KIF16B: variants seen among roughly 807,000 people sequenced by gnomAD.
The protein encoded by KIF16B is kinesin family member 16B.
In KIF16B, 98 loss-of-function variants were observed where a neutral mutation model predicts 156.3. The observed-to-expected ratio is 0.63, with a 90% CI of 0.53 to 0.74. The LOEUF is 0.74. KIF16B is among the 30% of genes least tolerant of loss of function. The probability of loss-of-function intolerance (pLI) is 0.00; values close to 1 mark genes in which losing one functional copy is unlikely to be tolerated. For synonymous variants in KIF16B, 564 were observed against 583.7 expected, an observed-to-expected ratio of 0.97 and a Z score of 0.49; for missense variants, 1,421 against 1,606.5, an observed-to-expected ratio of 0.88 and a Z score of 1.97.
At chr20:16,540,214 T>A (rs557159697) in intron 1 of KIF16B, among the ~76,000 whole-genome samples, 51 of 152,256 alleles carry the variant, frequency 3.3e-4, no homozygotes, top group Admixed American at 1.9e-3. Flanking sequence ...CAAAATAATA[T>A]GCGCGTCTAT....
chr20:16,522,057 C>A (rs571274165), intron 3 of KIF16B, among the ~76,000 whole-genome samples: 12 of 152,356 alleles, frequency 7.9e-5, no homozygotes, highest in Non-Finnish European at 1.3e-4. Flanking sequence ...GTACCAGCCA[C>A]TGCAAAAACA....
At chr20:16,382,098 C>A in intron 17 of KIF16B, 1 of 1,353,968 alleles carries the variant, frequency 7.4e-7, no homozygotes, top group East Asian at 4.5e-5. Context: ...GAATCTCTAC[C>A]TTAGACAGAT....
intron 1 of KIF16B, among the ~76,000 whole-genome samples, chr20:16,556,408 C>T (rs368593189): frequency 5.9e-5 from 9 of 152,180 alleles, no homozygotes; most frequent in South Asian, 2.1e-4. Context: ...ATGCAAAACA[C>T]GATGCTTTGC....
At chr20:16,494,590 C>G (rs868529417) in intron 11 of KIF16B, among the ~76,000 whole-genome samples, 1 of 152,212 alleles carries the variant, frequency 6.6e-6, no homozygotes, top group Non-Finnish European at 1.5e-5. Flanking sequence ...TAGAATTTCA[C>G]AACTGCCTTT....
intron 13 of KIF16B, among the ~76,000 whole-genome samples, chr20:16,429,447 A>G (rs1485313636): frequency 1.3e-5 from 2 of 152,108 alleles, no homozygotes; most frequent in African/African-American, 4.8e-5. Flanking sequence ...GGAATTCTGT[A>G]CTCCCAAGAT....
chr20:16,519,961 T>C (rs1343503057), intron 3 of KIF16B, among the ~76,000 whole-genome samples: 1 of 152,070 alleles, frequency 6.6e-6, no homozygotes, highest in Non-Finnish European at 1.5e-5. Context: ...CATGAGGGAC[T>C]GTGCCGTGAG....
chr20:16,487,175 TC>T (rs2068142907), intron 12 of KIF16B, among the ~76,000 whole-genome samples: 1 of 151,578 alleles, frequency 6.6e-6, no homozygotes, highest in Admixed American at 6.6e-5. Flanking sequence ...ATGGCATGAA[TC>T]CGGAGGCGGA....
chr20:16,299,296 T>A (rs539392120), intron 25 of KIF16B, among the ~76,000 whole-genome samples: 1 of 152,204 alleles, frequency 6.6e-6, no homozygotes, highest in South Asian at 2.1e-4. Context: ...AGTGGGGTGA[T>A]GGAGAGGGTA....
intron 12 of KIF16B, among the ~76,000 whole-genome samples, chr20:16,435,659 G>T (rs928413261): frequency 1.3e-5 from 2 of 151,966 alleles, no homozygotes; most frequent in Admixed American, 1.3e-4. Flanking sequence ...AACACCAATT[G>T]TCCTTATATT....
intron 15 of KIF16B, among the ~76,000 whole-genome samples, chr20:16,423,845 G>A (rs958384369): frequency 3.3e-5 from 5 of 151,962 alleles, no homozygotes; most frequent in Non-Finnish European, 7.4e-5. Context: ...ATTCACTGAA[G>A]GGGTTGTCAG....
rs754011697 is a variant in KIF16B at position 16,272,795 on chromosome 20, T to C, written c.*458A>G. ...AATTTAAAATGCTTTTCTTGGAATATAGCCAGCCACATGGAAGAAATATAA... is the reference window on the plus strand; with the variant it reads ...AATTTAAAATGCTTTTCTTGGAATACAGCCAGCCACATGGAAGAAATATAA... On this transcript the variant is annotated 3_prime_UTR_variant, in exon 26 of 26. Coordinates refer to ENST00000354981, the MANE Select transcript of KIF16B (RefSeq NM_024704.5). The C allele has an allele frequency of 6.5e-6, 1 of 153,110 alleles. No homozygotes were observed. Among genetic ancestry groups the C allele is most frequent in the Non-Finnish European group, 1.5e-5 (1 of 68,466 alleles). The allele number at this position is 153,110 out of a possible 1,614,324, so 9.5% of individuals were successfully genotyped here. A position where few individuals can be genotyped will look rare whatever the true frequency, so the allele number is the denominator to read the frequency against.
chr20:16,313,427 T>C (rs566226526), intron 24 of KIF16B, among the ~76,000 whole-genome samples: 73 of 152,230 alleles, frequency 4.8e-4, no homozygotes, highest in Non-Finnish European at 9.1e-4. Context: ...TTTTAAAACA[T>C]AGTATTAAAG....
chr20:16,560,345 C>T lies in KIF16B; in HGVS notation c.47+12884G>A, dbSNP rs143812579. ...TTTTAAGTCCTGCTCTGAGGAAGTT[C>T]ACACAGTGACTTAACTGTGTCCCAG... On this transcript the variant is annotated intron_variant, in intron 1 of 25. Transcript: ENST00000354981. Among the ~76,000 whole-genome samples the T allele has an allele frequency of 2.6e-5, 4 of 152,304 alleles. No individual in the cohort carries two copies. In the East Asian group the frequency reaches 7.7e-4, roughly 29 times the overall value.
chr20:16,526,625 T>C (rs755063132), intron 2 of KIF16B, among the ~76,000 whole-genome samples: 1 of 152,206 alleles, frequency 6.6e-6, no homozygotes, highest in Non-Finnish European at 1.5e-5. Context: ...AGGTCAGATG[T>C]CTCCTCTTTC....
At chr20:16,304,024 G>A (rs1051354496) in intron 25 of KIF16B, among the ~76,000 whole-genome samples, 8 of 152,182 alleles carry the variant, frequency 5.3e-5, no homozygotes, top group African/African-American at 1.9e-4. Flanking sequence ...TCGGCTCATA[G>A]GGTGTTTTGA....
intron 1 of KIF16B, among the ~76,000 whole-genome samples, chr20:16,539,229 G>A (rs774608048): frequency 3.3e-5 from 5 of 152,120 alleles, no homozygotes; most frequent in Non-Finnish European, 7.3e-5. Flanking sequence ...GAAGAGTCTG[G>A]AGAGCTCAGA....
In KIF16B at chr20:16,504,498, G is replaced by A. The variant is rs749399404; in HGVS notation, c.1050C>T (p.Arg350=). 2.5e-6 allele frequency: 4 copies of A among 1,613,892 alleles called. No individual in the cohort carries two copies. The African/African-American group carries it at 4.0e-5, about 16-fold the overall frequency. Residue 350 remains arginine, a synonymous_variant, in exon 10 of 26, where the codon CGC becomes CGT. Coordinates refer to ENST00000354981, the MANE Select transcript of KIF16B (RefSeq NM_024704.5). ...TGATGTTTTTGGCTCTATTTGCATA[G>A]CGAAGAGTACTTAGGGTTTCTCCAT... ...VNYGETLSTL[R]YANRAKNIIN... is the part of the protein sequence containing the mutation.
chr20:16,438,082 C>T (rs543988172), intron 12 of KIF16B, among the ~76,000 whole-genome samples: 84 of 151,804 alleles, frequency 5.5e-4, no homozygotes, highest in Non-Finnish European at 1.1e-3. Flanking sequence ...GGGAGGAGGA[C>T]GTTGCAGTGA....
In KIF16B at chr20:16,501,628, G is replaced by A. The variant is rs552924338; in HGVS notation, c.1176+2744C>T. On this transcript the variant is annotated intron_variant, in intron 10 of 25. Coordinates refer to ENST00000354981, the MANE Select transcript of KIF16B (RefSeq NM_024704.5). ...CTAAAGTACAATGGACAAATGAGCT[G>A]GAATATCTTTGCATGATGGAAGACA... is the stretch of plus-strand genomic sequence containing the variant. 4.6e-5 allele frequency among the ~76,000 whole-genome samples: 7 copies of A among 152,176 alleles called. No individual in the cohort carries two copies. In the South Asian group the frequency reaches 1.5e-3, roughly 32 times the overall value.
Sources: gnomAD v4.1 joint callset for allele counts (sites outside exome capture counted in the v4.1 genomes callset) on GRCh38, gnomAD v4.1.1 for gene constraint, MANE v1.5 for transcripts, NCBI Gene and HGNC (gene_info 2026-07-23, HGNC 2026-07-21) for gene names.